The following CTNNBL1 variants were observed in gnomAD, a reference collection of about 807,000 sequenced individuals.
CTNNBL1 encodes catenin beta like 1, also known as beta-catenin-like protein 1.
CTNNBL1 carries 31 observed loss-of-function variants against 72.7 expected under a neutral mutation model. The observed-to-expected ratio is 0.43, with a 90% confidence interval of 0.32 to 0.58. The LOEUF (loss-of-function observed/expected upper bound fraction) is 0.58, where lower values mean the gene tolerates loss of function less well. CTNNBL1 is among the 20% of genes least tolerant of loss of function. The probability of loss-of-function intolerance (pLI) is 0.08; values close to 1 mark genes in which losing one functional copy is unlikely to be tolerated. For synonymous variants in CTNNBL1, 240 were observed against 267.3 expected (o/e 0.90, Z 1.00); for missense variants, 534 against 725.1 (o/e 0.74, Z 3.03).
intron 11 of CTNNBL1, among the ~76,000 whole-genome samples, chr20:37,809,242 A>G (rs2071988301): frequency 6.6e-6 from 1 of 152,238 alleles, no homozygotes; most frequent in African/African-American, 2.4e-5. Flanking sequence ...GACATACTAG[A>G]CAAGAATATT....
chr20:37,759,823 T>C (rs1355959342), intron 5 of CTNNBL1, among the ~76,000 whole-genome samples: 1 of 152,176 alleles, frequency 6.6e-6, no homozygotes, highest in South Asian at 2.1e-4. Context: ...TACTCTTGGC[T>C]GCATTCAGGA....
intron 11 of CTNNBL1, among the ~76,000 whole-genome samples, chr20:37,830,127 A>AT (rs2072195009): frequency 4.0e-5 from 2 of 50,342 alleles, no homozygotes; most frequent in African/African-American, 1.5e-4. Context: ...AGCCAACTGT[A>AT]ATTTTTTTTT....
At chr20:37,782,135 G>A (rs1049427650) in intron 10 of CTNNBL1, among the ~76,000 whole-genome samples, 6 of 152,090 alleles carry the variant, frequency 3.9e-5, no homozygotes, top group South Asian at 2.1e-4. Flanking sequence ...AACTTTCTAC[G>A]TTAAGTGCTA....
chr20:37,839,249 G>A (rs1325347546), intron 11 of CTNNBL1, among the ~76,000 whole-genome samples: 2 of 152,122 alleles, frequency 1.3e-5, no homozygotes, highest in African/African-American at 4.8e-5. Context: ...GACATTCTTG[G>A]GAATCCAAGG....
Position 37,746,622 on chromosome 20 carries a change from C to G in CTNNBL1, c.466+15C>G. On this transcript the variant is annotated intron_variant, in intron 4 of 15. Transcript: ENST00000361383. ...CGATAATACAGATATCCTTTCAGAT[C>G]TGACCTCAGTAGGAGAGCTGACATG... 1 of 1,613,764 alleles carries G rather than the reference C, an allele frequency of 6.2e-7. No individual in the cohort carries two copies.
chr20:37,839,290 T>C (rs2072280729), intron 11 of CTNNBL1, among the ~76,000 whole-genome samples: 1 of 152,216 alleles, frequency 6.6e-6, no homozygotes, highest in South Asian at 2.1e-4. Flanking sequence ...TCATCAGTTT[T>C]CAAATAAACT....
intron 3 of CTNNBL1, among the ~76,000 whole-genome samples, chr20:37,742,154 C>T (rs1252498840): frequency 6.6e-6 from 1 of 152,200 alleles, no homozygotes; most frequent in African/African-American, 2.4e-5. Context: ...TCCTTAGAAT[C>T]TTGGTTGTTT....
At chr20:37,772,468 C>T (rs2073533867) in intron 7 of CTNNBL1, among the ~76,000 whole-genome samples, 1 of 152,204 alleles carries the variant, frequency 6.6e-6, no homozygotes, top group African/African-American at 2.4e-5. Flanking sequence ...CCTGCCTCAA[C>T]CTCCTGAGTA....
intron 11 of CTNNBL1, among the ~76,000 whole-genome samples, chr20:37,821,915 C>T (rs1186220065): frequency 6.6e-6 from 1 of 152,094 alleles, no homozygotes; most frequent in Admixed American, 6.5e-5. Flanking sequence ...ATATCTCAAA[C>T]AGTGGAATCC....
At chr20:37,839,584 T>C (rs1399817917) in intron 11 of CTNNBL1, among the ~76,000 whole-genome samples, 1 of 152,232 alleles carries the variant, frequency 6.6e-6, no homozygotes, top group African/African-American at 2.4e-5. Flanking sequence ...CAGCCACCTT[T>C]AAACTTGAAG....
At chr20:37,849,957 C>T (rs1029724163) in intron 13 of CTNNBL1, among the ~76,000 whole-genome samples, 1 of 152,238 alleles carries the variant, frequency 6.6e-6, no homozygotes, top group Non-Finnish European at 1.5e-5. Flanking sequence ...TATTTCCTGG[C>T]ACAGGGAAGT....
chr20:37,807,353 C>T (rs1475999137), intron 11 of CTNNBL1, among the ~76,000 whole-genome samples: 1 of 152,192 alleles, frequency 6.6e-6, no homozygotes, highest in East Asian at 1.9e-4. Flanking sequence ...GTCACACATA[C>T]CCATGGGGAT....
chr20:37,823,682 A>G (rs1431111022), intron 11 of CTNNBL1, among the ~76,000 whole-genome samples: 1 of 152,238 alleles, frequency 6.6e-6, no homozygotes, highest in Non-Finnish European at 1.5e-5. Flanking sequence ...TAAAGCAGGC[A>G]TCCAGGGAGG....
chr20:37,801,874 A>G (rs571390085), intron 10 of CTNNBL1, among the ~76,000 whole-genome samples: 79 of 152,388 alleles, frequency 5.2e-4, no homozygotes, highest in African/African-American at 1.7e-3. Flanking sequence ...ATAAAATGAA[A>G]TAAGAAGCAT....
chr20:37,855,311 C>T (rs995125507), intron 13 of CTNNBL1, among the ~76,000 whole-genome samples: 1 of 152,086 alleles, frequency 6.6e-6, no homozygotes, highest in African/African-American at 2.4e-5. Context: ...ACTCCTGACC[C>T]CACCCCCCAA....
At chr20:37,696,924 G>A (rs1241468906) in intron 1 of CTNNBL1, among the ~76,000 whole-genome samples, 1 of 152,086 alleles carries the variant, frequency 6.6e-6, no homozygotes, top group East Asian at 1.9e-4. Context: ...GCTCATGCCT[G>A]TAATCCCAGC....
chr20:37,780,857 A>G (rs530499561), intron 10 of CTNNBL1, among the ~76,000 whole-genome samples: 7 of 152,232 alleles, frequency 4.6e-5, no homozygotes, highest in Admixed American at 2.0e-4. Flanking sequence ...CTGACCTCCT[A>G]TATCCCGTTT....
At chr20:37,834,874 CAAT>C (rs1017952082) in intron 11 of CTNNBL1, among the ~76,000 whole-genome samples, 148 of 152,260 alleles carry the variant, frequency 9.7e-4, no homozygotes, top group African/African-American at 3.5e-3. Context: ...TAAACAGTAA[CAAT>C]GATGACAGTT....
At chr20:37,834,621 GA>G (rs1212764323) in intron 11 of CTNNBL1, among the ~76,000 whole-genome samples, 4 of 152,136 alleles carry the variant, frequency 2.6e-5, no homozygotes, top group Admixed American at 2.0e-4. Flanking sequence ...TAGCATTGAT[GA>G]TTGCCTTTTA....
Sources: gnomAD v4.1 joint callset for allele counts (sites outside exome capture counted in the v4.1 genomes callset) on GRCh38, gnomAD v4.1.1 for gene constraint, MANE v1.5 for transcripts, NCBI Gene and HGNC (gene_info 2026-07-23, HGNC 2026-07-21) for gene names.